Variants in DDHD2 observed in about 807,000 individuals in gnomAD.
DDHD2 encodes the protein triacylglycerol hydrolase DDHD2.
In DDHD2, 62 loss-of-function variants were observed where a neutral mutation model predicts 91.2. The observed-to-expected ratio is 0.68, with a 90% confidence interval of 0.55 to 0.84. DDHD2 has a LOEUF of 0.84. DDHD2 is among the 40% of genes least tolerant of loss of function. DDHD2 has a pLI of 0.00. For missense variants in DDHD2, 740 were observed against 846.9 expected, an observed-to-expected ratio of 0.87 and a Z score of 1.57; for synonymous variants, 271 against 293.9, an observed-to-expected ratio of 0.92 and a Z score of 0.80.
chr8:38,236,056 A>G (rs1804711574), intron 3 of DDHD2, among the ~76,000 whole-genome samples: 1 of 152,206 alleles, frequency 6.6e-6, no homozygotes, highest in South Asian at 2.1e-4. Flanking sequence ...TCTGTTTCCC[A>G]GGCTGGAGTG....
chr8:38,255,705 T>TA (rs1806462243), intron 16 of DDHD2, among the ~76,000 whole-genome samples: 1 of 152,106 alleles, frequency 6.6e-6, no homozygotes, highest in Non-Finnish European at 1.5e-5. Flanking sequence ...TTTTTTTTTT[T>TA]AGCTGCATAG....
intron 6 of DDHD2, among the ~76,000 whole-genome samples, chr8:38,241,634 G>A (rs1029716449): frequency 1.8e-4 from 28 of 151,680 alleles, no homozygotes; most frequent in Admixed American, 1.3e-3. Flanking sequence ...GGCCAGGCTG[G>A]TCTTGAACTC....
chr8:38,249,939 C>A, intron 11 of DDHD2, 136 bp downstream of exon 11: 1 of 507,578 alleles, frequency 2.0e-6, no homozygotes, highest in African/African-American at 1.9e-5. Flanking sequence ...TTTTTTGAGA[C>A]AGGGTCTCGC....
At chr8:38,244,343 A>G (rs571522190) in intron 7 of DDHD2, among the ~76,000 whole-genome samples, 1 of 151,840 alleles carries the variant, frequency 6.6e-6, no homozygotes, top group Non-Finnish European at 1.5e-5. Flanking sequence ...GCTCACTGCA[A>G]CCTCTGCCTC....
At chr8:38,264,384 C>T (rs940968234), downstream of DDHD2, 2 of 1,357,238 alleles carry the variant, frequency 1.5e-6, no homozygotes, top group African/African-American at 1.5e-5. Context: ...CCACCCTCCT[C>T]AGCCTCCCAA....
chr8:38,272,541 A>C (rs1448802213), downstream of DDHD2: 1 of 152,268 alleles, frequency 6.6e-6, no homozygotes, highest in Admixed American at 6.5e-5. Context: ...CCTCCCCTGC[A>C]CAGTGCCTGA....
chr8:38,266,100 G>C, downstream of DDHD2: 1 of 1,591,966 alleles, frequency 6.3e-7, no homozygotes, highest in East Asian at 2.2e-5. Flanking sequence ...AATAAAATGA[G>C]TGAAATATGC....
chr8:38,242,208 T>G, intron 6 of DDHD2, 42 bp from the exon 7 acceptor site: 1 of 1,497,370 alleles, frequency 6.7e-7, no homozygotes, highest in Non-Finnish European at 9.1e-7. Context: ...TCTACAGATT[T>G]GTTACTTCAT....
rs1369060013 is a variant in DDHD2, at chr8:38,261,594, G to A, written c.*1021G>A. On this transcript the variant is annotated 3_prime_UTR_variant, in exon 18 of 18. Transcript: ENST00000397166. ...GCTCTTGGCACGGGCAGCATTGGTT[G>A]AGCAGGTAGGTTTGGCTAGGGGGAA... 6.6e-6 allele frequency: 1 copy of A among 152,204 alleles called. No homozygotes were observed. Among genetic ancestry groups the A allele is most frequent in the African/African-American group, 2.4e-5 (1 of 41,440 alleles). The allele number at this position is 152,204 out of a possible 1,614,324, so 9.4% of individuals were successfully genotyped here.
At chr8:38,272,711 G>A (rs1808512301), downstream of DDHD2, 1 of 152,178 alleles carries the variant, frequency 6.6e-6, no homozygotes, top group African/African-American at 2.4e-5. Flanking sequence ...TTATTTCATT[G>A]TTGGACAAGA....
At chr8:38,269,532 A>AAAC (rs1380162291) in intron 1 of DDHD2, among the ~76,000 whole-genome samples, 7 of 152,190 alleles carry the variant, frequency 4.6e-5, no homozygotes, top group Admixed American at 1.3e-4. Flanking sequence ...ATGGAAAACC[A>AAAC]AACAGCCCGC....
intron 2 of DDHD2, among the ~76,000 whole-genome samples, chr8:38,234,011 TTTC>T (rs2130738950): frequency 6.6e-6 from 1 of 152,216 alleles, no homozygotes; most frequent in African/African-American, 2.4e-5. Context: ...TCACTTGTCT[TTTC>T]TTCTTTTATA....
chr8:38,254,075 C>CAAA (rs76331678), intron 16 of DDHD2, among the ~76,000 whole-genome samples: 31,232 of 133,062 alleles, frequency 0.23, 3,448 homozygotes, highest in East Asian at 0.32. Context: ...GACCCTGTCT[C>CAAA]AAAAAAAAAA....
chr8:38,253,548 A>G lies in DDHD2; in HGVS notation c.1892-8A>G. On this transcript the variant is annotated splice_polypyrimidine_tract_variant and splice_region_variant and intron_variant, in intron 15 of 17. Coordinates refer to ENST00000397166, the MANE Select transcript of DDHD2 (RefSeq NM_015214.3). ...TTTAGATTCTTATTATGGTTCTTCC[A>G]TATCCAGATGTTAACACAGAAGAGA... 5 of 1,609,812 alleles carry G rather than the reference A, an allele frequency of 3.1e-6. No homozygotes were observed. The highest frequency in any genetic ancestry group is 4.2e-6 in the Non-Finnish European group (5 of 1,178,836).
intron 1 of DDHD2, chr8:38,270,761 A>C (rs185940634): frequency 6.6e-6 from 1 of 152,332 alleles, no homozygotes; most frequent in African/African-American, 2.4e-5. Context: ...GGACTGAATA[A>C]ATGACTTTGG....
At chr8:38,270,928 CAG>C (rs983418458) in intron 1 of DDHD2, 3 of 152,146 alleles carry the variant, frequency 2.0e-5, no homozygotes, top group African/African-American at 7.2e-5. Context: ...AAACAAAAAA[CAG>C]AAATGTTTTT....
In DDHD2 at chr8:38,247,749, C is replaced by T. The variant is rs754854169; in HGVS notation, c.1162C>T (p.Pro388Ser). 2 of 1,567,082 alleles carry T rather than the reference C, an allele frequency of 1.3e-6. No homozygotes were observed. Among genetic ancestry groups the T allele is most frequent in the East Asian group, 4.6e-5 (2 of 43,848 alleles). The change falls in exon 10 of 18, where the codon CCT becomes TCT. Residue 388 changes from proline to serine, a missense_variant. Around this residue, in one of 2 missense-constraint regions of DDHD2, gnomAD observed 693 missense variants for 764.2 expected, o/e 0.91. Transcript: ENST00000397166. The part of the protein sequence containing the change: ...LNIVMDQGDT[P>S]TLEEDLKKLQ... ...TATTGTAATGGATCAAGGAGATACA[C>T]CTACACTAGAGGAAGATTTGAAGAA...
intron 7 of DDHD2, among the ~76,000 whole-genome samples, chr8:38,244,572 G>T (rs1402061761): frequency 7.0e-6 from 1 of 142,704 alleles, no homozygotes; most frequent in African/African-American, 2.6e-5. Flanking sequence ...TATTTTTTTT[G>T]TTGTTTTTTT....
intron 15 of DDHD2, 75 bp from the exon 16 acceptor site, chr8:38,253,481 T>C (rs1806271179): frequency 1.6e-6 from 2 of 1,278,752 alleles, no homozygotes; most frequent in East Asian, 2.3e-5. Context: ...AAACTTGGAG[T>C]GTGAGGAGAA....
Sources: allele counts gnomAD v4.1 joint callset (sites outside exome capture counted in the v4.1 genomes callset), GRCh38; gene constraint gnomAD v4.1.1; regional missense constraint gnomAD v4.1.1; transcripts MANE v1.5; gene names NCBI Gene and HGNC (gene_info 2026-07-23, HGNC 2026-07-21).